Variants in CYP7B1 observed in about 807,000 individuals in gnomAD.
CYP7B1 encodes the protein cytochrome P450 family 7 subfamily B member 1.
In CYP7B1, 29 loss-of-function variants were observed where a neutral mutation model predicts 42.7. That is an observed-to-expected ratio of 0.68 (90% CI 0.51 to 0.93). The LOEUF is 0.93. Ranked by LOEUF, CYP7B1 falls within the 40% of genes least tolerant of loss-of-function variation. The probability of loss-of-function intolerance (pLI) is 0.00; values close to 1 mark genes in which losing one functional copy is unlikely to be tolerated. For missense variants in CYP7B1, 655 were observed against 600.5 expected, an observed-to-expected ratio of 1.09 and a Z score of -0.95; for synonymous variants, 235 against 218.2, an observed-to-expected ratio of 1.08 and a Z score of -0.68.
At position 64,798,488 on chromosome 8, in the gene CYP7B1, A is replaced by G. The variant is rs1453122167; in HGVS notation, c.100T>C (p.Cys34Arg). ...LAAALLLLAL[C>R]LLVRRTRRPG... Reference sequence around the variant, plus strand: ...TACCTGGTGCGCCGGACAAGCAAGCAGAGGGCCAGGAGCAGCAGGGCCGCG... The same window carrying G: ...TACCTGGTGCGCCGGACAAGCAAGCGGAGGGCCAGGAGCAGCAGGGCCGCG... Residue 34 changes from cysteine to arginine, a missense_variant, in exon 1 of 6, where the codon TGC (cysteine) becomes CGC (arginine). Coordinates refer to ENST00000310193, the MANE Select transcript of CYP7B1 (RefSeq NM_004820.5). The G allele has an allele frequency of 6.6e-6, 10 of 1,513,666 alleles. No individual in the cohort carries two copies. The South Asian group carries it at 1.1e-4, about 17-fold the overall frequency. The allele number at this position is 1,513,666 out of a possible 1,614,324, so 93.8% of individuals were successfully genotyped here.
chr8:64,718,070 T>C (rs1424929628), intron 1 of CYP7B1, among the ~76,000 whole-genome samples: 1 of 151,894 alleles, frequency 6.6e-6, no homozygotes, highest in Non-Finnish European at 1.5e-5. Context: ...TATAAGAGCA[T>C]TAAAGGAACA....
chr8:64,795,832 C>T (rs1804694905), intron 1 of CYP7B1, among the ~76,000 whole-genome samples: 1 of 152,150 alleles, frequency 6.6e-6, no homozygotes, highest in African/African-American at 2.4e-5. Flanking sequence ...GATTGACAGT[C>T]TCACCAGATA....
chr8:64,601,532 A>G (rs1472072357), intron 5 of CYP7B1, among the ~76,000 whole-genome samples: 1 of 152,184 alleles, frequency 6.6e-6, no homozygotes, highest in Non-Finnish European at 1.5e-5. Context: ...AAAAGAAATC[A>G]TCACTATTTA....
intron 1 of CYP7B1, among the ~76,000 whole-genome samples, chr8:64,757,131 C>A (rs1807820919): frequency 6.6e-6 from 1 of 152,166 alleles, no homozygotes; most frequent in Non-Finnish European, 1.5e-5. Context: ...GCCAGTCAAC[C>A]AACCAGCAGA....
intron 1 of CYP7B1, among the ~76,000 whole-genome samples, chr8:64,749,765 A>G (rs994443910): frequency 6.6e-6 from 1 of 152,094 alleles, no homozygotes; most frequent in Admixed American, 6.6e-5. Context: ...CTACCTCCAT[A>G]CTATCCATAT....
intron 1 of CYP7B1, among the ~76,000 whole-genome samples, chr8:64,767,865 A>T (rs1321897146): frequency 6.6e-6 from 1 of 152,178 alleles, no homozygotes; most frequent in African/African-American, 2.4e-5. Flanking sequence ...AGACCCCTGG[A>T]CCAGCCTGCT....
intron 1 of CYP7B1, among the ~76,000 whole-genome samples, chr8:64,730,785 A>ACACT (rs888110282): frequency 3.3e-5 from 5 of 149,960 alleles, no homozygotes; most frequent in South Asian, 2.1e-4. Flanking sequence ...ACACACACAC[A>ACACT]CTCTGTATAT....
At chr8:64,782,487 C>G (rs1263847619) in intron 1 of CYP7B1, among the ~76,000 whole-genome samples, 1 of 152,140 alleles carries the variant, frequency 6.6e-6, no homozygotes, top group Non-Finnish European at 1.5e-5. Flanking sequence ...GACTTCCCAG[C>G]CTCCAGAACT....
At chr8:64,652,884 A>G (rs1364987393) in intron 1 of CYP7B1, among the ~76,000 whole-genome samples, 1 of 152,090 alleles carries the variant, frequency 6.6e-6, no homozygotes, top group Non-Finnish European at 1.5e-5. Flanking sequence ...ACTAAAAAAC[A>G]ACAACATGCT....
intron 1 of CYP7B1, among the ~76,000 whole-genome samples, chr8:64,707,336 C>A (rs2129632590): frequency 6.6e-6 from 1 of 152,202 alleles, no homozygotes; most frequent in East Asian, 1.9e-4. Context: ...GCAACCAGCT[C>A]TCTAATTTGT....
At chr8:64,771,384 C>CT (rs1236275720) in intron 1 of CYP7B1, among the ~76,000 whole-genome samples, 1 of 152,054 alleles carries the variant, frequency 6.6e-6, no homozygotes, top group Non-Finnish European at 1.5e-5. Context: ...AATGTACATG[C>CT]TTTAATAATA....
At chr8:64,730,641 C>T (rs1190728483) in intron 1 of CYP7B1, among the ~76,000 whole-genome samples, 1 of 152,000 alleles carries the variant, frequency 6.6e-6, no homozygotes, top group Non-Finnish European at 1.5e-5. Context: ...TCAGTTAACA[C>T]AATGTGGTAA....
chr8:64,753,005 CA>C (rs1807752674), intron 1 of CYP7B1, among the ~76,000 whole-genome samples: 1 of 152,034 alleles, frequency 6.6e-6, no homozygotes, highest in Admixed American at 6.6e-5. Flanking sequence ...ACACAATTAA[CA>C]ATCTGAAAAA....
intron 1 of CYP7B1, among the ~76,000 whole-genome samples, chr8:64,793,142 C>A (rs1286088377): frequency 6.6e-6 from 1 of 152,146 alleles, no homozygotes; most frequent in African/African-American, 2.4e-5. Flanking sequence ...CAGCACCCTG[C>A]ATTTAGCTCA....
At chr8:64,679,680 A>T (rs1806507221) in intron 1 of CYP7B1, among the ~76,000 whole-genome samples, 1 of 152,152 alleles carries the variant, frequency 6.6e-6, no homozygotes, top group Non-Finnish European at 1.5e-5. Context: ...AAACCAGCCT[A>T]TCTTTTCCTA....
rs1805064852 is a variant in CYP7B1 at position 64,593,239 on chromosome 8, G to A, written c.*3403C>T. On this transcript the variant is annotated 3_prime_UTR_variant, in exon 6 of 6. Transcript: ENST00000310193. ...CTAAAGGCTAGGGCCCAGGGTGTGTGTGTGTGTGTGTGTGTGTGTGTGTGT... is the reference window on the plus strand; with the variant it reads ...CTAAAGGCTAGGGCCCAGGGTGTGTATGTGTGTGTGTGTGTGTGTGTGTGT... 1.8e-5 allele frequency among the ~76,000 whole-genome samples: 1 copy of A among 55,686 alleles called. No homozygotes were observed. Among genetic ancestry groups the A allele is most frequent in the South Asian group, 5.7e-4 (1 of 1,744 alleles). The allele number at this position is 55,686 out of a possible 152,430, so 36.5% of individuals were successfully genotyped here.
At chr8:64,701,093 G>A (rs1256455141) in intron 1 of CYP7B1, among the ~76,000 whole-genome samples, 4 of 152,056 alleles carry the variant, frequency 2.6e-5, no homozygotes, top group Non-Finnish European at 4.4e-5. Context: ...GGTGGTATTT[G>A]TTTGATGCAG....
At chr8:64,642,181 T>C (rs1335971368) in intron 1 of CYP7B1, among the ~76,000 whole-genome samples, 2 of 152,200 alleles carry the variant, frequency 1.3e-5, no homozygotes, top group African/African-American at 2.4e-5. Context: ...TGTATAGATA[T>C]ATAAATATGT....
rs186935211 is a variant in CYP7B1, at chr8:64,766,812, G to A, written c.122+31654C>T. Among the ~76,000 whole-genome samples, 9 of 152,240 alleles carry A rather than the reference G, an allele frequency of 5.9e-5. No homozygotes were observed. The East Asian group carries it at 1.2e-3, about 20-fold the overall frequency. ...AGGACTGAGGGTGCCCAGGGCAAGC[G>A]CCAGCCCATGCCATCACCTTCACGG... On this transcript the variant is annotated intron_variant, in intron 1 of 5. Coordinates refer to ENST00000310193, the MANE Select transcript of CYP7B1 (RefSeq NM_004820.5).
Sources: gnomAD v4.1 joint callset for allele counts (sites outside exome capture counted in the v4.1 genomes callset) on GRCh38, gnomAD v4.1.1 for gene constraint, MANE v1.5 for transcripts, NCBI Gene and HGNC (gene_info 2026-07-23, HGNC 2026-07-21) for gene names.